SPMIP2: variants seen among roughly 807,000 people sequenced by gnomAD.
The protein encoded by SPMIP2 is protein SPMIP2.
the SPMIP2 span, among the ~76,000 whole-genome samples, chr4:158,992,790 G>C: frequency 6.6e-6 from 1 of 152,186 alleles, no homozygotes; most frequent in East Asian, 1.9e-4. Context: ...GCAAGCTGGA[G>C]GTGCTGTGAA....
chr4:159,012,841 G>C, the SPMIP2 span, among the ~76,000 whole-genome samples: 1 of 151,332 alleles, frequency 6.6e-6, no homozygotes, highest in African/African-American at 2.5e-5. Flanking sequence ...CCAAATTGCA[G>C]GGATTATAGG....
At chr4:158,893,475 T>C in the SPMIP2 span, 64 of 498,068 alleles carry the variant, frequency 1.3e-4, no homozygotes, top group African/African-American at 2.3e-4. Flanking sequence ...ATTAGTATGA[T>C]AGTCAATAAC....
chr4:158,943,693 C>T, the SPMIP2 span, among the ~76,000 whole-genome samples: 1 of 152,022 alleles, frequency 6.6e-6, no homozygotes, highest in Non-Finnish European at 1.5e-5. Context: ...TTCCTACCTA[C>T]ATATGCAAGC....
chr4:159,073,456 A>G, the SPMIP2 span, among the ~76,000 whole-genome samples: 1 of 152,162 alleles, frequency 6.6e-6, no homozygotes, highest in African/African-American at 2.4e-5. Context: ...ACCTGGCTGG[A>G]AGAATACATT....
the SPMIP2 span, among the ~76,000 whole-genome samples, chr4:158,965,949 C>T: frequency 6.6e-6 from 1 of 152,192 alleles, no homozygotes; most frequent in Admixed American, 6.5e-5. Context: ...CAACAGATCT[C>T]AGACCTCAAA....
At chr4:158,937,322 G>A in the SPMIP2 span, among the ~76,000 whole-genome samples, 1 of 152,190 alleles carries the variant, frequency 6.6e-6, no homozygotes, top group Non-Finnish European at 1.5e-5. Flanking sequence ...TATTAATAGA[G>A]AAAAATTTAA....
chr4:159,079,135 T>TA, the SPMIP2 span, among the ~76,000 whole-genome samples: 413 of 151,734 alleles, frequency 2.7e-3, 2 homozygotes, highest in African/African-American at 8.8e-3. Flanking sequence ...AATAAATAAA[T>TA]AATAATAATA....
chr4:158,986,853 A>C, the SPMIP2 span, among the ~76,000 whole-genome samples: 1 of 146,270 alleles, frequency 6.8e-6, no homozygotes, highest in African/African-American at 2.5e-5. Context: ...CAACCTACAA[A>C]ATGGGAGAAA....
the SPMIP2 span, among the ~76,000 whole-genome samples, chr4:158,943,058 A>G: frequency 1.3e-5 from 2 of 152,244 alleles, no homozygotes; most frequent in African/African-American, 2.4e-5. Context: ...CTTAAGAAAC[A>G]TAAGTTTGAG....
chr4:159,074,352 C>T, the SPMIP2 span, among the ~76,000 whole-genome samples: 1 of 152,086 alleles, frequency 6.6e-6, no homozygotes, highest in Non-Finnish European at 1.5e-5. Context: ...GAAATGGGCA[C>T]AATGACTTCA....
the SPMIP2 span, chr4:158,915,253 C>G: frequency 6.2e-7 from 1 of 1,613,612 alleles, no homozygotes; most frequent in Non-Finnish European, 8.5e-7. Flanking sequence ...ACAAGAATAG[C>G]CCATTTGGAA....
At chr4:158,992,222 G>T in the SPMIP2 span, among the ~76,000 whole-genome samples, 1 of 152,224 alleles carries the variant, frequency 6.6e-6, no homozygotes, top group South Asian at 2.1e-4. Context: ...TTCATCAAAT[G>T]CTGCTCGTAT....
the SPMIP2 span, among the ~76,000 whole-genome samples, chr4:159,034,032 G>A: frequency 2.0e-5 from 3 of 152,200 alleles, no homozygotes; most frequent in Admixed American, 2.0e-4. Flanking sequence ...AGCTACTCGG[G>A]AGACTGAGGC....
chr4:159,026,308 C>G, the SPMIP2 span: 1 of 597,030 alleles, frequency 1.7e-6, no homozygotes, highest in African/African-American at 1.9e-5. Flanking sequence ...GAAAACAGCA[C>G]AGTTTTCTCG....
chr4:158,896,851 TA>T, the SPMIP2 span, among the ~76,000 whole-genome samples: 4 of 139,074 alleles, frequency 2.9e-5, no homozygotes, highest in South Asian at 4.5e-4. Context: ...GTTTTTTTTT[TA>T]TTATTATTAT....
chr4:158,982,623 A>G, the SPMIP2 span, among the ~76,000 whole-genome samples: 1 of 152,354 alleles, frequency 6.6e-6, no homozygotes, highest in Non-Finnish European at 1.5e-5. Flanking sequence ...CTGAATGACT[A>G]CTGGGTAAAT....
At chr4:158,971,061 A>T in the SPMIP2 span, among the ~76,000 whole-genome samples, 1 of 152,230 alleles carries the variant, frequency 6.6e-6, no homozygotes, top group African/African-American at 2.4e-5. Flanking sequence ...ACTCACAGCT[A>T]TCATCTCTTT....
At chr4:158,991,136 G>A in the SPMIP2 span, among the ~76,000 whole-genome samples, 3 of 152,160 alleles carry the variant, frequency 2.0e-5, no homozygotes, top group Admixed American at 6.6e-5. Context: ...GTAAGAAATG[G>A]TACTTACTGA....
At chr4:158,942,782 A>G in the SPMIP2 span, among the ~76,000 whole-genome samples, 1 of 152,210 alleles carries the variant, frequency 6.6e-6, no homozygotes, top group Admixed American at 6.5e-5. Context: ...GTCTCAAAAA[A>G]CAAAGAAACA....
Sources: gnomAD v4.1 joint callset for allele counts (sites outside exome capture counted in the v4.1 genomes callset) on GRCh38, gnomAD v4.1.1 for gene constraint, MANE v1.5 for transcripts, NCBI Gene and HGNC (gene_info 2026-07-23, HGNC 2026-07-21) for gene names.